NELL2: variants seen among roughly 807,000 people sequenced by gnomAD.
NELL2 encodes the protein protein kinase C-binding protein NELL2.
Under a neutral mutation model 109.6 loss-of-function variants are expected in NELL2, and 41 were observed. The observed-to-expected ratio is 0.37, with a 90% CI of 0.29 to 0.49. The LOEUF is 0.49. Ranked by LOEUF, NELL2 falls within the 20% of genes least tolerant of loss-of-function variation. The pLI is 0.98. For missense variants in NELL2, 900 were observed against 1,008.3 expected, an observed-to-expected ratio of 0.89 and a Z score of 1.45; for synonymous variants, 355 against 344.7, an observed-to-expected ratio of 1.03 and a Z score of -0.33.
intron 1 of NELL2, among the ~76,000 whole-genome samples, chr12:44,882,280 C>T (rs767325335): frequency 4.0e-5 from 6 of 151,220 alleles, no homozygotes; most frequent in East Asian, 1.9e-4. Context: ...TCCATTGCTG[C>T]GGTAACAAAT....
chr12:44,630,424 A>G (rs1946411541), intron 13 of NELL2, among the ~76,000 whole-genome samples: 1 of 152,208 alleles, frequency 6.6e-6, no homozygotes, highest in Admixed American at 6.5e-5. Flanking sequence ...AAATGTTAAA[A>G]TAAGTTAAGA....
intron 2 of NELL2, among the ~76,000 whole-genome samples, chr12:44,873,132 G>A (rs192030913): frequency 6.6e-6 from 1 of 152,114 alleles, no homozygotes; most frequent in Non-Finnish European, 1.5e-5. Context: ...TGGCATGCAG[G>A]AAATACTTGC....
intron 1 of NELL2, among the ~76,000 whole-genome samples, chr12:44,909,316 C>G (rs1323815813): frequency 6.6e-6 from 1 of 151,526 alleles, no homozygotes; most frequent in African/African-American, 2.4e-5. Flanking sequence ...ATCAAGAACA[C>G]AATCCCATTT....
intron 9 of NELL2, among the ~76,000 whole-genome samples, chr12:44,743,397 C>A (rs892912036): frequency 4.6e-5 from 7 of 152,086 alleles, no homozygotes; most frequent in Non-Finnish European, 7.4e-5. Flanking sequence ...CATCAACTAA[C>A]GAGCAAAATA....
intron 17 of NELL2, chr12:44,523,064 T>C: frequency 1.8e-6 from 1 of 550,082 alleles, no homozygotes; most frequent in East Asian, 3.1e-5. Flanking sequence ...AATACAAATT[T>C]AATCAATAGG....
At chr12:44,762,459 T>C (rs1320014944) in intron 9 of NELL2, among the ~76,000 whole-genome samples, 1 of 152,230 alleles carries the variant, frequency 6.6e-6, no homozygotes, top group Non-Finnish European at 1.5e-5. Context: ...TTCCACCTAA[T>C]GAAGCTACCA....
At chr12:44,755,772 T>A (rs955958057) in intron 9 of NELL2, among the ~76,000 whole-genome samples, 1 of 152,176 alleles carries the variant, frequency 6.6e-6, no homozygotes, top group African/African-American at 2.4e-5. Flanking sequence ...TTCTTCTCTA[T>A]CCAATATAAA....
intron 1 of NELL2, chr12:44,881,848 A>G (rs1232255634): frequency 6.6e-6 from 1 of 152,034 alleles, no homozygotes; most frequent in Non-Finnish European, 1.5e-5. Context: ...TGCTGAAAAC[A>G]ATAGAAAAAT....
intron 1 of NELL2, among the ~76,000 whole-genome samples, chr12:44,889,160 A>G (rs1396828365): frequency 6.6e-6 from 1 of 152,032 alleles, no homozygotes; most frequent in East Asian, 1.9e-4. Context: ...GTGAGGCCAA[A>G]TAATGGTAAT....
At chr12:44,793,429 G>A (rs1016257611) in intron 3 of NELL2, among the ~76,000 whole-genome samples, 2 of 152,102 alleles carry the variant, frequency 1.3e-5, no homozygotes, top group African/African-American at 2.4e-5. Context: ...TCATCCCATT[G>A]CTAAATACCT....
chr12:44,902,491 A>C (rs1945672222), intron 1 of NELL2, among the ~76,000 whole-genome samples: 1 of 152,228 alleles, frequency 6.6e-6, no homozygotes, highest in Admixed American at 6.6e-5. Context: ...AGTAATGTAT[A>C]GATTCAATGC....
chr12:44,541,707 A>G lies in NELL2; in HGVS notation c.1664-8986T>C, dbSNP rs192506530. ...CTATTGTCTTCAGATTGAAAGGTCA[A>G]CCGGGGTCCCCAAACATACTGAATA... On this transcript the variant is annotated intron_variant, in intron 15 of 19. Coordinates refer to ENST00000429094, the MANE Select transcript of NELL2 (RefSeq NM_001145108.2). 2.3e-3 allele frequency among the ~76,000 whole-genome samples: 350 copies of G among 152,290 alleles called. 3 individuals carry two copies. Among genetic ancestry groups the G allele is most frequent in the Non-Finnish European group, 4.5e-3 (307 of 68,018 alleles).
intron 13 of NELL2, among the ~76,000 whole-genome samples, chr12:44,628,547 G>C (rs1438857335): frequency 6.6e-6 from 1 of 152,050 alleles, no homozygotes. Context: ...TTTTGTTTTG[G>C]AGTCTTTGGG....
intron 2 of NELL2, among the ~76,000 whole-genome samples, chr12:44,869,143 T>C (rs971876790): frequency 6.6e-6 from 1 of 152,154 alleles, no homozygotes; most frequent in African/African-American, 2.4e-5. Context: ...TGAAACATAG[T>C]ATCTGCTCTC....
chr12:44,596,412 C>A (rs1256052637), intron 15 of NELL2, among the ~76,000 whole-genome samples: 1 of 152,054 alleles, frequency 6.6e-6, no homozygotes, highest in Non-Finnish European at 1.5e-5. Flanking sequence ...CAGACCAGAG[C>A]AAATTACTTA....
chr12:44,683,140 T>A (rs1464311028), intron 12 of NELL2, among the ~76,000 whole-genome samples: 3 of 152,218 alleles, frequency 2.0e-5, no homozygotes, highest in Non-Finnish European at 4.4e-5. Flanking sequence ...TTCACGTCCC[T>A]TGTAAGCTGG....
intron 2 of NELL2, among the ~76,000 whole-genome samples, chr12:44,864,660 T>C (rs888323841): frequency 3.9e-5 from 6 of 152,186 alleles, no homozygotes; most frequent in African/African-American, 1.4e-4. Flanking sequence ...GAACAGATCA[T>C]CCAGACGGAA....
At chr12:44,692,234 T>C (rs1266598723) in intron 12 of NELL2, among the ~76,000 whole-genome samples, 1 of 152,182 alleles carries the variant, frequency 6.6e-6, no homozygotes, top group African/African-American at 2.4e-5. Context: ...TTAAGAATTA[T>C]GCTAAAACTA....
intron 15 of NELL2, among the ~76,000 whole-genome samples, chr12:44,534,453 C>A (rs1338815870): frequency 1.3e-5 from 2 of 152,034 alleles, no homozygotes; most frequent in Admixed American, 6.6e-5. Context: ...TGTGACTGAC[C>A]AAATCGGCTA....
Sources: gnomAD v4.1 joint callset for allele counts (sites outside exome capture counted in the v4.1 genomes callset) on GRCh38, gnomAD v4.1.1 for gene constraint, MANE v1.5 for transcripts, NCBI Gene and HGNC (gene_info 2026-07-23, HGNC 2026-07-21) for gene names.